The following TTN variants were observed in gnomAD, a reference collection of about 807,000 sequenced individuals.
The protein encoded by TTN is connectin.
Under a neutral mutation model 3,223.0 loss-of-function variants are expected in TTN, and 1,525 were observed. The ratio of observed to expected loss-of-function variants is 0.47; its 90% CI spans 0.45 to 0.49. The LOEUF is 0.49. TTN is among the 20% of genes least tolerant of loss of function. The probability of loss-of-function intolerance (pLI) is 0.00; values close to 1 mark genes in which losing one functional copy is unlikely to be tolerated. For missense variants in TTN, 40,786 were observed against 43,424.0 expected (o/e 0.94, Z 5.40); for synonymous variants, 14,094 against 15,161.0 (o/e 0.93, Z 5.17).
At position 178,731,088 on chromosome 2, in the gene TTN, A is replaced by G. The variant is rs1419421654; in HGVS notation, c.17577T>C (p.Asp5859=). 1 of 1,613,608 alleles carries G rather than the reference A, an allele frequency of 6.2e-7. No homozygotes were observed. The highest frequency in any genetic ancestry group is 1.3e-5 in the African/African-American group (1 of 74,898). The stretch of plus-strand genomic sequence containing the variant: ...TTGAGCCCAGGGTCAGTTCTTGGCC[A>G]TCTTTAAACCATTTGGCTGTAATCT... ...TKEITAKWFK[D]GQELTLGSKY... Residue 5859 remains aspartate (D), a synonymous_variant, in exon 60 of 363, where the codon GAT becomes GAC. Transcript: ENST00000589042.
Position 178,564,735 on chromosome 2 carries a change from T to C in TTN, c.81397A>G (p.Lys27133Glu). 6.2e-7 allele frequency: 1 copy of C among 1,613,158 alleles called. No homozygotes were observed. Among genetic ancestry groups the C allele is most frequent in the Admixed American group, 1.7e-5 (1 of 59,922 alleles). ...NKTPIQDTKFKTTGLDEGLEY... is the reference protein window; with the variant it reads ...NKTPIQDTKFETTGLDEGLEY... The stretch of plus-strand genomic sequence containing the variant: ...AGGCCCTCATCAAGCCCAGTTGTTT[T>C]GAATTTGGTGTCCTGAATGGGGGTC... The change falls in exon 326 of 363, where the codon AAA becomes GAA. Residue 27133 changes from lysine (K) to glutamate (E), a missense_variant. By Grantham distance (56) the Lys-to-Glu change is moderately conservative. Transcript: ENST00000589042.
chr2:178,689,730 C>T (rs2154278459), intron 122 of TTN, 83 bp downstream of exon 122: 2 of 1,459,438 alleles, frequency 1.4e-6, no homozygotes, highest in South Asian at 2.6e-5. Flanking sequence ...TAGAATTAAA[C>T]TAACTCAATG....
At chr2:178,597,843 A>G (rs2052147528) in intron 293 of TTN, 24 bp from the exon 294 acceptor site, 3 of 1,612,534 alleles carry the variant, frequency 1.9e-6, no homozygotes, top group Non-Finnish European at 2.5e-6. Context: ...AAAATTACAA[A>G]TGTGATTTTT....
chr2:178,587,364 A>G lies in TTN; in HGVS notation c.63847T>C (p.Cys21283Arg), dbSNP rs1375757273. ...TCAGGAGGGGCCCAGGACACATGGC[A>G]TGATGTTTTAGTGACATCTGAAACT... The part of the protein sequence containing the change: ...LKVSDVTKTS[C>R]HVSWAPPEND... The change falls in exon 307 of 363, where the codon TGC becomes CGC. Residue 21283 changes from cysteine (C) to arginine (R), a missense_variant. Physicochemically the swap from Cys to Arg is radical, Grantham distance 180 (BLOSUM62 -3). Coordinates refer to ENST00000589042, the MANE Select transcript of TTN (RefSeq NM_001267550.2). The G allele has an allele frequency of 6.2e-7, 1 of 1,612,136 alleles. No individual in the cohort carries two copies. The highest frequency in any genetic ancestry group is 1.1e-5 in the South Asian group (1 of 90,952).
rs775381639 is a variant in TTN at position 178,714,305 on chromosome 2, C to A, written c.26469G>T (p.Thr8823=). The stretch of plus-strand genomic sequence containing the variant: ...CTTTTTACTAACCGAGAACGGATAG[C>A]GTGGCGAAGCACTCTTGCATCCCAG... The part of the protein sequence containing the change: ...NDAGMQECFA[T]LSVLEPATIV... The change falls in exon 91 of 363, where the codon ACG becomes ACT. Residue 8823 remains threonine, a synonymous_variant. Transcript: ENST00000589042. 6.2e-7 allele frequency: 1 copy of A among 1,612,372 alleles called. No homozygotes were observed. Among genetic ancestry groups the A allele is most frequent in the South Asian group, 1.1e-5 (1 of 90,980 alleles).
intron 162 of TTN, 124 bp downstream of exon 162, chr2:178,667,112 C>G: frequency 9.8e-7 from 1 of 1,018,312 alleles, no homozygotes; most frequent in South Asian, 1.7e-5. Context: ...GTGGGTATAT[C>G]AGATCCTTTA....
At chr2:178,645,098 T>C (rs74747501) in intron 217 of TTN, 2,575 of 152,256 alleles carry the variant, frequency 0.017, 59 homozygotes, top group African/African-American at 0.055. Context: ...TCTAAGATTA[T>C]ATCTAGATAA....
chr2:178,782,098 C>T (rs962661810), intron 20 of TTN, 114 bp downstream of exon 20: 178 of 1,244,246 alleles, frequency 1.4e-4, no homozygotes, highest in Non-Finnish European at 1.9e-4. Context: ...ACTAAGAAGG[C>T]TCCACAATGA....
Position 178,572,194 on chromosome 2 carries a change from G to A in TTN, c.73938C>T (p.Ser24646=). Residue 24646 remains serine, a synonymous_variant, in exon 326 of 363, where the codon AGC becomes AGT. Coordinates refer to ENST00000589042, the MANE Select transcript of TTN (RefSeq NM_001267550.2). ...TCTCCACAATGTAGCCTAGAATTCG[G>A]CTGCCTCCATCATGCTCTGGTTTCT... ...SWEKPEHDGG[S]RILGYIVEMQ... 6.2e-7 allele frequency: 1 copy of A among 1,613,404 alleles called. No homozygotes were observed. Among genetic ancestry groups the A allele is most frequent in the Non-Finnish European group, 8.5e-7 (1 of 1,179,614 alleles).
intron 24 of TTN, chr2:178,778,196 T>A: frequency 1.7e-6 from 1 of 600,764 alleles, no homozygotes; most frequent in Non-Finnish European, 2.9e-6. Context: ...AGTCATTCAG[T>A]ATATCCAGGT....
At chr2:178,679,014 C>T (rs564484592) in intron 142 of TTN, among the ~76,000 whole-genome samples, 184 bp from the exon 143 acceptor site, 3 of 151,578 alleles carry the variant, frequency 2.0e-5, no homozygotes, top group South Asian at 2.1e-4. Flanking sequence ...TAAAAAACAC[C>T]GAAAAAAACG....
intron 13 of TTN, among the ~76,000 whole-genome samples, chr2:178,788,979 AAC>A (rs958147690): frequency 2.0e-4 from 30 of 152,070 alleles, no homozygotes; most frequent in African/African-American, 7.0e-4. Flanking sequence ...GACCCTTCAA[AAC>A]ACACATCTTC....
chr2:178,750,981 T>C (rs541418435), intron 47 of TTN: 1 of 1,612,828 alleles, frequency 6.2e-7, no homozygotes, highest in East Asian at 2.2e-5. Flanking sequence ...TGGCTCATTC[T>C]TATTTCAGTC....
chr2:178,618,730 G>A lies in TTN; in HGVS notation c.46820C>T (p.Pro15607Leu). 1 of 1,611,886 alleles carries A rather than the reference G, an allele frequency of 6.2e-7. No homozygotes were observed. The highest frequency in any genetic ancestry group is 1.7e-5 in the Admixed American group (1 of 59,828). Reference protein sequence around the residue: ...AEAEWFKENEPLSTKTIDTTA... With the variant: ...AEAEWFKENELLSTKTIDTTA... ...AGTATCAATGGTTTTTGTAGATAAA[G>A]GTTCATTTTCTTTAAACCATTCAGC... is the stretch of plus-strand genomic sequence containing the variant. Residue 15607 changes from proline (P) to leucine (L), a missense_variant, in exon 251 of 363, where the codon CCT (proline) becomes CTT (leucine). Pro to Leu is a moderately conservative substitution (Grantham distance 98). Transcript: ENST00000589042.
Position 178,723,606 on chromosome 2 carries a change from G to A in TTN, c.21494C>T (p.Pro7165Leu), listed in dbSNP as rs1370391729. ...ACCTCTGAACCAGTTGACTTTGAAT[G>A]GAGGGGTTCCTCTAATAACGCTTGT... ...TFTSVIRGTP[P>L]FKVNWFRGAR... The change falls in exon 74 of 363, where the codon CCA (proline) becomes CTA (leucine). Residue 7165 changes from proline (P) to leucine (L), a missense_variant. Pro to Leu is a moderately conservative substitution (Grantham distance 98). Transcript: ENST00000589042. 1 of 1,613,112 alleles carries A rather than the reference G, an allele frequency of 6.2e-7. No individual in the cohort carries two copies. Among genetic ancestry groups the A allele is most frequent in the Admixed American group, 1.7e-5 (1 of 59,930 alleles).
In TTN at chr2:178,547,518, CTTTAA is replaced by C. The variant is rs769488730; in HGVS notation, c.94103_94107del (p.Ile31368SerfsTer34). On this transcript the variant is annotated frameshift_variant, in exon 339 of 363. Transcript: ENST00000589042. LOFTEE classifies it high-confidence loss of function. Reference sequence around the variant, plus strand: ...TCCATGTATTTTGTGAGATGAGTGACTTTAATTTGAGTGCGCTTGACACTGGAATT... The same window carrying C: ...TCCATGTATTTTGTGAGATGAGTGACTTTGAGTGCGCTTGACACTGGAATT... The C allele has an allele frequency of 5.0e-6, 8 of 1,613,670 alleles. No homozygotes were observed. Among genetic ancestry groups the C allele is most frequent in the East Asian group, 2.2e-5 (1 of 44,788 alleles).
chr2:178,753,402 T>C (rs1366483214), intron 46 of TTN: 19 of 431,956 alleles, frequency 4.4e-5, no homozygotes, highest in Non-Finnish European at 8.3e-6. Flanking sequence ...AGGTTCTTCA[T>C]GAAATTTCCA....
Position 178,780,222 on chromosome 2 carries a change from T to A in TTN, c.3524-17A>T. 3 of 1,597,992 alleles carry A rather than the reference T, an allele frequency of 1.9e-6. No individual in the cohort carries two copies. The highest frequency in any genetic ancestry group is 2.6e-6 in the Non-Finnish European group (3 of 1,165,672). On this transcript the variant is annotated splice_polypyrimidine_tract_variant and intron_variant, in intron 21 of 362. Transcript: ENST00000589042. ...CATAATCAGCTAAGAGTTAAGAACA[T>A]CAGTTAATTTTTAATGCTCTTATTA... is the stretch of plus-strand genomic sequence containing the variant.
In TTN at chr2:178,561,780, G is replaced by C; in HGVS notation, c.84352C>G (p.Arg28118Gly). ...AVARTSIKIV[R>G]LTTGSEYQFR... Reference sequence around the variant, plus strand: ...TGATACTCACTTCCTGTTGTCAGGCGAACTATTTTAATGGATGTTCTTGCA... The same window carrying C: ...TGATACTCACTTCCTGTTGTCAGGCCAACTATTTTAATGGATGTTCTTGCA... Residue 28118 changes from arginine (R) to glycine (G), a missense_variant, in exon 326 of 363, where the codon CGC (arginine) becomes GGC (glycine). By Grantham distance (125) the Arg-to-Gly change is moderately radical. Coordinates refer to ENST00000589042, the MANE Select transcript of TTN (RefSeq NM_001267550.2). 5 of 1,613,562 alleles carry C rather than the reference G, an allele frequency of 3.1e-6. No individual in the cohort carries two copies. The highest frequency in any genetic ancestry group is 4.2e-6 in the Non-Finnish European group (5 of 1,179,720).
Sources: allele counts gnomAD v4.1 joint callset (sites outside exome capture counted in the v4.1 genomes callset), GRCh38; gene constraint gnomAD v4.1.1; transcripts MANE v1.5; gene names NCBI Gene and HGNC (gene_info 2026-07-23, HGNC 2026-07-21).